Variants in ADORA2B observed in about 807,000 individuals in gnomAD.
ADORA2B encodes adenosine receptor A2b.
ADORA2B carries 18 observed loss-of-function variants against 20.8 expected under a neutral mutation model. That is an observed-to-expected ratio of 0.87 (90% CI 0.60 to 1.29). The LOEUF is 1.29. ADORA2B is among the 50% of genes most tolerant of loss of function. The pLI is 0.00. For synonymous variants in ADORA2B, 179 were observed against 178.3 expected, an observed-to-expected ratio of 1.00 and a Z score of -0.03; for missense variants, 441 against 422.7, an observed-to-expected ratio of 1.04 and a Z score of -0.38.
At chr17:15,907,103 T>C in the ADORA2B span, among the ~76,000 whole-genome samples, 2 of 152,202 alleles carry the variant, frequency 1.3e-5, no homozygotes, top group Non-Finnish European at 2.9e-5. Context: ...TAAGTCATGT[T>C]ATCAAACCTT....
chr17:15,869,450 G>A, the ADORA2B span, among the ~76,000 whole-genome samples: 7 of 152,114 alleles, frequency 4.6e-5, no homozygotes, highest in South Asian at 2.1e-4. Flanking sequence ...TTTTGTTATC[G>A]TCATTCATAA....
the ADORA2B span, among the ~76,000 whole-genome samples, chr17:15,922,123 GA>G: frequency 2.6e-3 from 402 of 152,240 alleles, 1 homozygote; most frequent in African/African-American, 8.9e-3. Flanking sequence ...AAAAAATTAT[GA>G]AAAAATATAC....
At chr17:15,948,012 G>C in intron 1 of ADORA2B, among the ~76,000 whole-genome samples, 1 of 152,192 alleles carries the variant, frequency 6.6e-6, no homozygotes, top group Admixed American at 6.5e-5. Context: ...GGAACTCCAG[G>C]TGAGAGTAAA....
the ADORA2B span, among the ~76,000 whole-genome samples, chr17:15,874,240 T>A: frequency 6.6e-6 from 1 of 151,782 alleles, no homozygotes; most frequent in African/African-American, 2.4e-5. Flanking sequence ...AAAAATCATA[T>A]GTTCTCACTC....
chr17:15,858,190 T>G, the ADORA2B span, among the ~76,000 whole-genome samples: 1 of 152,184 alleles, frequency 6.6e-6, no homozygotes, highest in Admixed American at 6.5e-5. Context: ...CATACTGTTT[T>G]CCGTAATGGC....
intron 1 of ADORA2B, among the ~76,000 whole-genome samples, chr17:15,953,524 A>G (rs1418371931): frequency 4.0e-5 from 6 of 151,186 alleles, no homozygotes; most frequent in Admixed American, 3.3e-4. Flanking sequence ...GAATCTGTTG[A>G]CTCCCCACTG....
the ADORA2B span, among the ~76,000 whole-genome samples, chr17:15,867,786 G>C: frequency 2.7e-5 from 4 of 150,470 alleles, no homozygotes; most frequent in Non-Finnish European, 5.9e-5. Context: ...CGCCCCGTCC[G>C]GGAGGTGAGG....
the ADORA2B span, among the ~76,000 whole-genome samples, chr17:15,909,205 GCAA>G: frequency 4.0e-5 from 6 of 151,534 alleles, no homozygotes; most frequent in Non-Finnish European, 8.8e-5. Context: ...AAAAAAAACA[GCAA>G]CAACAACAAC....
chr17:15,865,031 AATT>A, the ADORA2B span, among the ~76,000 whole-genome samples: 3 of 151,624 alleles, frequency 2.0e-5, no homozygotes, highest in South Asian at 6.2e-4. Flanking sequence ...TGCTTTGCCT[AATT>A]CATATAAAGG....
At chr17:15,905,091 G>T in the ADORA2B span, among the ~76,000 whole-genome samples, 3 of 152,218 alleles carry the variant, frequency 2.0e-5, no homozygotes, top group Admixed American at 6.5e-5. Context: ...TTTTGATTAG[G>T]ATTGCATTGT....
At chr17:15,935,865 AC>A in the ADORA2B span, among the ~76,000 whole-genome samples, 3 of 127,398 alleles carry the variant, frequency 2.4e-5, no homozygotes, top group South Asian at 2.4e-4. Flanking sequence ...TTGTTATTGT[AC>A]TTTTTTTTTT....
chr17:15,909,874 C>T, the ADORA2B span, among the ~76,000 whole-genome samples: 1 of 152,182 alleles, frequency 6.6e-6, no homozygotes, highest in Admixed American at 6.5e-5. Context: ...TGCAGCTGCC[C>T]CTGGCACCCT....
chr17:15,974,160 T>G (rs1970219234), intron 1 of ADORA2B: 1 of 153,454 alleles, frequency 6.5e-6, no homozygotes, highest in South Asian at 2.1e-4. Flanking sequence ...GTTCGAACAG[T>G]TGGCCACATT....
the ADORA2B span, among the ~76,000 whole-genome samples, chr17:15,923,092 G>C: frequency 2.0e-5 from 3 of 150,520 alleles, no homozygotes; most frequent in Non-Finnish European, 4.4e-5. Flanking sequence ...GTGTGATCTC[G>C]GCTCACTGCA....
At chr17:15,941,006 A>G (rs1216012453), upstream of ADORA2B, among the ~76,000 whole-genome samples, 2 of 152,210 alleles carry the variant, frequency 1.3e-5, no homozygotes, top group African/African-American at 4.8e-5. Flanking sequence ...GACCATCTGT[A>G]TGTCACCTGG....
chr17:15,956,110 T>G (rs956888288), intron 1 of ADORA2B, among the ~76,000 whole-genome samples: 3 of 152,258 alleles, frequency 2.0e-5, no homozygotes, highest in Non-Finnish European at 2.9e-5. Context: ...AAGAGTTTCT[T>G]CGCTTTTTTT....
At chr17:15,898,969 C>G in the ADORA2B span, among the ~76,000 whole-genome samples, 1 of 152,102 alleles carries the variant, frequency 6.6e-6, no homozygotes, top group East Asian at 1.9e-4. Flanking sequence ...GTAGCTCACG[C>G]CCATAATCCC....
chr17:15,871,810 G>A, the ADORA2B span, among the ~76,000 whole-genome samples: 6 of 152,130 alleles, frequency 3.9e-5, no homozygotes, highest in Non-Finnish European at 8.8e-5. Flanking sequence ...AACGCCCTGC[G>A]CCTTTTCCCT....
At chr17:15,868,162 G>A in the ADORA2B span, among the ~76,000 whole-genome samples, 241 of 141,252 alleles carry the variant, frequency 1.7e-3, 7 homozygotes, top group African/African-American at 5.9e-3. Context: ...TTAAACAGAT[G>A]CTTGAAGGCA....
Sources: gnomAD v4.1 joint callset for allele counts (sites outside exome capture counted in the v4.1 genomes callset) on GRCh38, gnomAD v4.1.1 for gene constraint, MANE v1.5 for transcripts, NCBI Gene and HGNC (gene_info 2026-07-23, HGNC 2026-07-21) for gene names.